Variants in RASGRP3 observed in about 807,000 individuals in gnomAD.
RASGRP3 encodes RAS guanyl releasing protein 3, also known as ras guanyl-releasing protein 3.
In RASGRP3, 54 loss-of-function variants were observed where a neutral mutation model predicts 82.7. The ratio of observed to expected loss-of-function variants is 0.65; its 90% CI spans 0.52 to 0.82. The LOEUF is 0.82. Among genes scored for constraint, RASGRP3 ranks in the 40% least tolerant of loss-of-function variants. The pLI, the probability that RASGRP3 is intolerant of heterozygous loss-of-function variation, is 0.00. For synonymous variants in RASGRP3, 309 were observed against 300.5 expected (o/e 1.03, Z -0.29); for missense variants, 861 against 828.9 (o/e 1.04, Z -0.48).
intron 1 of RASGRP3, among the ~76,000 whole-genome samples, chr2:33,493,379 G>A (rs1204231559): frequency 1.3e-5 from 2 of 152,164 alleles, no homozygotes; most frequent in Admixed American, 6.5e-5. Context: ...GGGAGAGCAG[G>A]GGCAGAGTCC....
intron 17 of RASGRP3, among the ~76,000 whole-genome samples, chr2:33,561,445 C>A (rs897506): frequency 0.25 from 37,350 of 151,896 alleles, 5,900 homozygotes; most frequent in African/African-American, 0.45. Flanking sequence ...TAATGAAGGA[C>A]GTATGCTCTT....
chr2:33,519,015 A>G (rs1187134939), intron 4 of RASGRP3, among the ~76,000 whole-genome samples: 6 of 152,250 alleles, frequency 3.9e-5, no homozygotes, highest in Non-Finnish European at 7.3e-5. Context: ...TATAGTAAAT[A>G]CATAAACCAA....
intron 2 of RASGRP3, among the ~76,000 whole-genome samples, chr2:33,463,081 G>A (rs1666473214): frequency 6.6e-6 from 1 of 152,176 alleles, no homozygotes; most frequent in Admixed American, 6.5e-5. Context: ...GTTTATAGGA[G>A]TGAGAGCCTC....
intron 1 of RASGRP3, among the ~76,000 whole-genome samples, chr2:33,437,608 A>G (rs1664994524): frequency 6.6e-6 from 1 of 152,234 alleles, no homozygotes; most frequent in Admixed American, 6.5e-5. Context: ...CCAAGAAGAT[A>G]GCAAAGCTGG....
intron 1 of RASGRP3, among the ~76,000 whole-genome samples, chr2:33,507,671 A>G (rs751519020): frequency 2.0e-5 from 3 of 152,054 alleles, no homozygotes; most frequent in South Asian, 2.1e-4. Context: ...GATTACAGGC[A>G]TGTGCCACCA....
At chr2:33,526,484 C>G (rs908989484) in intron 9 of RASGRP3, among the ~76,000 whole-genome samples, 2 of 152,152 alleles carry the variant, frequency 1.3e-5, no homozygotes, top group Non-Finnish European at 2.9e-5. Context: ...TAGCTTTGTA[C>G]CAGATCTCAA....
intron 1 of RASGRP3, among the ~76,000 whole-genome samples, chr2:33,489,694 C>A (rs543474758): frequency 3.0e-4 from 45 of 152,284 alleles, no homozygotes; most frequent in African/African-American, 1.1e-3. Context: ...CACCACCACA[C>A]CCAACTAATT....
chr2:33,559,114 C>T (rs1574509857), intron 17 of RASGRP3, 84 bp downstream of exon 17: 1 of 1,170,992 alleles, frequency 8.5e-7, no homozygotes, highest in Admixed American at 2.9e-5. Flanking sequence ...GTCTGGGGGG[C>T]AGCCTGGTAG....
At chr2:33,470,465 C>T (rs1432004293) in intron 2 of RASGRP3, among the ~76,000 whole-genome samples, 7 of 151,776 alleles carry the variant, frequency 4.6e-5, no homozygotes, top group East Asian at 1.9e-4. Context: ...CTGCAAGCTC[C>T]GCCTGACGGG....
At chr2:33,506,257 A>T (rs1670365760) in intron 1 of RASGRP3, among the ~76,000 whole-genome samples, 1 of 152,234 alleles carries the variant, frequency 6.6e-6, no homozygotes, top group African/African-American at 2.4e-5. Flanking sequence ...TGTTCTGGAC[A>T]ATGTCTAGAA....
chr2:33,502,293 T>G (rs1574356943), intron 1 of RASGRP3, among the ~76,000 whole-genome samples: 1 of 152,100 alleles, frequency 6.6e-6, no homozygotes, highest in South Asian at 2.1e-4. Flanking sequence ...TGTTTCTGTG[T>G]GTGGAGGTGG....
intron 10 of RASGRP3, chr2:33,530,892 A>G (rs1010753987): frequency 4.6e-5 from 7 of 152,174 alleles, no homozygotes; most frequent in Non-Finnish European, 1.0e-4. Flanking sequence ...TTTGCCTTAC[A>G]TCCCAATTCA....
chr2:33,438,562 CA>C (rs57229316), intron 1 of RASGRP3, among the ~76,000 whole-genome samples: 69,558 of 128,226 alleles, frequency 0.54, 17,897 homozygotes, highest in Middle Eastern at 0.69. Flanking sequence ...ACTCCATCGC[CA>C]AAAAAAAAAA....
intron 1 of RASGRP3, among the ~76,000 whole-genome samples, chr2:33,446,909 C>T (rs928828795): frequency 6.6e-6 from 1 of 151,588 alleles, no homozygotes; most frequent in African/African-American, 2.4e-5. Flanking sequence ...TTTGGGAGGC[C>T]GAGGCGGGTG....
At chr2:33,478,565 TGA>T (rs1667587076) in intron 1 of RASGRP3, among the ~76,000 whole-genome samples, 1 of 152,206 alleles carries the variant, frequency 6.6e-6, no homozygotes, top group Non-Finnish European at 1.5e-5. Context: ...GCTGTATTTT[TGA>T]GAGCCAACAG....
At chr2:33,484,609 T>C (rs1668208681) in intron 1 of RASGRP3, among the ~76,000 whole-genome samples, 1 of 152,140 alleles carries the variant, frequency 6.6e-6, no homozygotes, top group Admixed American at 6.5e-5. Flanking sequence ...AATCCATTTC[T>C]CTCCCCAGTC....
At chr2:33,543,670 G>C (rs1392139591) in intron 13 of RASGRP3, 43 bp downstream of exon 13, 4 of 1,342,308 alleles carry the variant, frequency 3.0e-6, no homozygotes, top group Non-Finnish European at 4.2e-6. Flanking sequence ...CTATCCTAAA[G>C]CAGAAAATTA....
intron 1 of RASGRP3, among the ~76,000 whole-genome samples, chr2:33,477,096 G>T (rs1296480550): frequency 6.6e-6 from 1 of 152,166 alleles, no homozygotes; most frequent in Non-Finnish European, 1.5e-5. Flanking sequence ...TTGATGACTA[G>T]ATTTGATTTT....
intron 9 of RASGRP3, among the ~76,000 whole-genome samples, chr2:33,526,409 C>T (rs1672575139): frequency 6.6e-6 from 1 of 152,210 alleles, no homozygotes; most frequent in Admixed American, 6.5e-5. Context: ...GTTGTTTGAC[C>T]TCAAGCTCTG....
Sources: allele counts gnomAD v4.1 joint callset (sites outside exome capture counted in the v4.1 genomes callset), GRCh38; gene constraint gnomAD v4.1.1; transcripts MANE v1.5; gene names NCBI Gene and HGNC (gene_info 2026-07-23, HGNC 2026-07-21).